SLC36A2: variants seen among roughly 807,000 people sequenced by gnomAD.
SLC36A2 encodes the protein proton-coupled amino acid transporter 2.
In SLC36A2, 39 loss-of-function variants were observed where a neutral mutation model predicts 42.7. The ratio of observed to expected loss-of-function variants is 0.91; its 90% CI spans 0.71 to 1.19. The LOEUF (loss-of-function observed/expected upper bound fraction) is 1.19, where lower values mean the gene tolerates loss of function less well. SLC36A2 is among the 50% of genes most tolerant of loss of function. The pLI is 0.00. For missense variants in SLC36A2, 590 were observed against 613.7 expected (o/e 0.96, Z 0.41); for synonymous variants, 237 against 240.8 (o/e 0.98, Z 0.15).
chr5:151,331,562 T>G (rs1258579537), intron 7 of SLC36A2, among the ~76,000 whole-genome samples: 1 of 152,022 alleles, frequency 6.6e-6, no homozygotes, highest in Non-Finnish European at 1.5e-5. Flanking sequence ...CAAGTGATCC[T>G]TCTGCATCAG....
chr5:151,318,505 AT>A (rs1445895346), intron 9 of SLC36A2, among the ~76,000 whole-genome samples: 20 of 109,902 alleles, frequency 1.8e-4, no homozygotes, highest in South Asian at 1.1e-3. Flanking sequence ...TATAATAAAA[AT>A]AAATAATAAA....
rs573801186 is a variant in SLC36A2, at chr5:151,323,959, A to T, written c.1010+1327T>A. Among the ~76,000 whole-genome samples, 153 of 152,334 alleles carry T rather than the reference A, an allele frequency of 1.0e-3. 1 individual carries two copies. Among genetic ancestry groups the T allele is most frequent in the Admixed American group, 4.4e-3 (68 of 15,300 alleles). On this transcript the variant is annotated intron_variant, in intron 8 of 9. Transcript: ENST00000335244. ...GGACTGTGACTGTCCGCTTGAGAAG[A>T]CCGAAATGTCCTGTAATTAATGACA...
chr5:151,338,863 T>C (rs9324690), intron 5 of SLC36A2, 197 bp downstream of exon 5: 49,777 of 500,992 alleles, frequency 0.099, 10,132 homozygotes, highest in African/African-American at 0.61. Context: ...AGATACCGGA[T>C]AAAGGGTATT....
At chr5:151,338,648 C>T (rs115588511) in intron 5 of SLC36A2, 8,637 of 194,284 alleles carry the variant, frequency 0.044, 801 homozygotes, top group African/African-American at 0.19. Flanking sequence ...TGCGCTCCAG[C>T]CTGGGTGACA....
intron 1 of SLC36A2, among the ~76,000 whole-genome samples, chr5:151,346,639 T>C (rs934469451): frequency 6.6e-6 from 1 of 152,156 alleles, no homozygotes; most frequent in African/African-American, 2.4e-5. Flanking sequence ...CTAAGTAAAC[T>C]AGCAAGTCTG....
intron 6 of SLC36A2, 109 bp downstream of exon 6, chr5:151,335,218 CAT>C (rs1415252024): frequency 5.2e-6 from 4 of 764,706 alleles, no homozygotes; most frequent in Non-Finnish European, 9.1e-6. Flanking sequence ...GCATGTCTCT[CAT>C]AACACTCTTA....
chr5:151,333,180 A>G (rs1025810463), intron 7 of SLC36A2, 44 bp downstream of exon 7: 17 of 1,520,690 alleles, frequency 1.1e-5, no homozygotes, highest in Non-Finnish European at 1.8e-6. Context: ...CTAGAAGGTC[A>G]CTCACAAGCA....
chr5:151,320,616 C>T (rs1040520048), intron 9 of SLC36A2, among the ~76,000 whole-genome samples: 7 of 152,124 alleles, frequency 4.6e-5, no homozygotes, highest in Admixed American at 1.3e-4. Context: ...AGGGGTACTC[C>T]GGGTCATGGG....
chr5:151,326,880 C>G (rs1433465368), intron 7 of SLC36A2, among the ~76,000 whole-genome samples: 4 of 147,002 alleles, frequency 2.7e-5, no homozygotes. Flanking sequence ...AGTACAATCA[C>G]AGTTCACTGC....
chr5:151,333,649 G>T (rs962258320), intron 6 of SLC36A2, among the ~76,000 whole-genome samples: 8 of 152,156 alleles, frequency 5.3e-5, no homozygotes, highest in Admixed American at 2.0e-4. Context: ...AGATCACGAG[G>T]TCAGGAGTTC....
rs748266105 is a variant in SLC36A2 at position 151,316,884 on chromosome 5, G to A, written c.1385C>T (p.Ala462Val). The change falls in exon 10 of 10, where the codon GCC becomes GTC. Residue 462 changes from alanine to valine, a missense_variant. Transcript: ENST00000335244. ...TTCTGACTTGAGCAGCTCGTCCAGG[G>A]CCTGGTAGGTCCCCACCACAAAGCC... ...FVGFVVGTYQ[A>V]LDELLKSEDS... 1.9e-6 allele frequency: 3 copies of A among 1,614,056 alleles called. No individual in the cohort carries two copies. The highest frequency in any genetic ancestry group is 2.5e-6 in the Non-Finnish European group (3 of 1,180,018).
Position 151,316,754 on chromosome 5 carries a change from A to AC in SLC36A2, c.*62_*63insG. On this transcript the variant is annotated 3_prime_UTR_variant, in exon 10 of 10. Coordinates refer to ENST00000335244, the MANE Select transcript of SLC36A2 (RefSeq NM_181776.3). The stretch of plus-strand genomic sequence containing the variant: ...AAACTCCGTCTCAAAAAAAAAAAAA[A>AC]AAAAAAAAAGAGATCCATATAATTA... 1.3e-6 allele frequency: 2 copies of AC among 1,497,344 alleles called. No homozygotes were observed. Among genetic ancestry groups the AC allele is most frequent in the Non-Finnish European group, 1.8e-6 (2 of 1,123,234 alleles). 92.8% of individuals were successfully genotyped at this position (1,497,344 alleles called of 1,614,324 possible). A position where few individuals can be genotyped will look rare whatever the true frequency, so the allele number is the denominator to read the frequency against.
In SLC36A2 at chr5:151,344,166, G is replaced by T. The variant is rs773526511; in HGVS notation, c.255+11C>A. ...TGACCATAAAGCCCCCACATGTGGC[G>T]CCTCTCTTACCAGGATGCCCGCGTT... On this transcript the variant is annotated intron_variant, in intron 2 of 9. Coordinates refer to ENST00000335244, the MANE Select transcript of SLC36A2 (RefSeq NM_181776.3). 6.2e-7 allele frequency: 1 copy of T among 1,612,876 alleles called. No individual in the cohort carries two copies. The highest frequency in any genetic ancestry group is 1.1e-5 in the South Asian group (1 of 90,854).
chr5:151,338,457 TGA>T (rs377294426), intron 5 of SLC36A2, among the ~76,000 whole-genome samples: 42 of 152,252 alleles, frequency 2.8e-4, no homozygotes, highest in African/African-American at 1.0e-3. Context: ...GAGGCTCACT[TGA>T]GCCCTGGAGT....
chr5:151,343,666 A>G (rs2127299788), intron 2 of SLC36A2, 68 bp from the exon 3 acceptor site: 8 of 1,430,482 alleles, frequency 5.6e-6, no homozygotes, highest in Non-Finnish European at 7.9e-6. Flanking sequence ...ATACTGCAAG[A>G]TGGGCTTGGT....
intron 1 of SLC36A2, among the ~76,000 whole-genome samples, chr5:151,344,489 A>G (rs1462596537): frequency 6.6e-6 from 1 of 152,250 alleles, no homozygotes; most frequent in African/African-American, 2.4e-5. Context: ...ATATGCTGCA[A>G]CACTTACTAT....
Position 151,343,499 on chromosome 5 carries a change from G to A in SLC36A2, c.344+11C>T, listed in dbSNP as rs1756404568. The A allele has an allele frequency of 6.2e-7, 1 of 1,613,846 alleles. No homozygotes were observed. Among genetic ancestry groups the A allele is most frequent in the Non-Finnish European group, 8.5e-7 (1 of 1,179,674 alleles). On this transcript the variant is annotated intron_variant, in intron 3 of 9. Coordinates refer to ENST00000335244, the MANE Select transcript of SLC36A2 (RefSeq NM_181776.3). ...CCAAAGGAATTGACACAAGGAGGCT[G>A]TTTTCCTCACCTCTTACAGAAGCGC...
chr5:151,339,993 C>T (rs1433831068), intron 4 of SLC36A2, among the ~76,000 whole-genome samples: 2 of 151,506 alleles, frequency 1.3e-5, no homozygotes, highest in African/African-American at 4.9e-5. Context: ...AAACCCAATA[C>T]CTAAGAGACA....
At chr5:151,330,682 A>G (rs1755971252) in intron 7 of SLC36A2, among the ~76,000 whole-genome samples, 1 of 152,252 alleles carries the variant, frequency 6.6e-6, no homozygotes, top group Admixed American at 6.5e-5. Context: ...TATTACAAGG[A>G]CTATGCATGA....
Sources: gnomAD v4.1 joint callset for allele counts (sites outside exome capture counted in the v4.1 genomes callset) on GRCh38, gnomAD v4.1.1 for gene constraint, MANE v1.5 for transcripts, NCBI Gene and HGNC (gene_info 2026-07-23, HGNC 2026-07-21) for gene names.